Variants in CELF5 observed in about 807,000 individuals in gnomAD.
CELF5 encodes CUGBP Elav-like family member 5.
A neutral mutation model predicts 54.9 loss-of-function variants in CELF5; 6 were observed. The ratio of observed to expected loss-of-function variants is 0.11; its 90% confidence interval spans 0.06 to 0.22. The LOEUF (loss-of-function observed/expected upper bound fraction) is 0.22. CELF5 is among the 10% of genes least tolerant of loss of function. The pLI, the probability that CELF5 is intolerant of heterozygous loss-of-function variation, is 1.00. For synonymous variants in CELF5, 271 were observed against 290.9 expected, an observed-to-expected ratio of 0.93 and a Z score of 0.70; for missense variants, 401 against 678.6, an observed-to-expected ratio of 0.59 and a Z score of 4.54.
At position 3,278,183 on chromosome 19, in the gene CELF5, C is replaced by T. The variant is rs1460810599; in HGVS notation, c.603+73C>T. On this transcript the variant is annotated intron_variant, in intron 5 of 12. Transcript: ENST00000292672. The surrounding 1 kb of genome is among the most constrained non-coding windows in gnomAD (Gnocchi z 4.5). The stretch of plus-strand genomic sequence containing the variant: ...TGAGGGGGACAGGGATGAAACAGGC[C>T]ATATTCCTACCGTCGCTGTCATCCG... 9.6e-6 allele frequency: 10 copies of T among 1,039,720 alleles called. No individual in the cohort carries two copies. The highest frequency in any genetic ancestry group is 1.4e-5 in the Non-Finnish European group (10 of 699,042). 64.4% of individuals were successfully genotyped at this position (1,039,720 alleles called of 1,614,324 possible). A position where few individuals can be genotyped will look rare whatever the true frequency, so the allele number is the denominator to read the frequency against.
intron 1 of CELF5, among the ~76,000 whole-genome samples, chr19:3,248,857 C>CCTTCCTTT (rs2079604339): frequency 1.7e-5 from 1 of 59,112 alleles, no homozygotes; most frequent in African/African-American, 5.0e-5. Flanking sequence ...TTTCTTTCTT[C>CCTTCCTTT]CTTCCTTCCT....
At chr19:3,238,498 AGGGCC>A (rs2079448098) in intron 1 of CELF5, among the ~76,000 whole-genome samples, 1 of 152,124 alleles carries the variant, frequency 6.6e-6, no homozygotes, top group South Asian at 2.1e-4. Flanking sequence ...AGGTGTGGGT[AGGGCC>A]TCACTTTCTC....
intron 1 of CELF5, among the ~76,000 whole-genome samples, chr19:3,246,594 TC>T (rs1345584802): frequency 6.6e-6 from 1 of 151,728 alleles, no homozygotes; most frequent in African/African-American, 2.4e-5. Flanking sequence ...GCAACTGTGG[TC>T]CCAGCTACTT....
chr19:3,265,395 G>A (rs1012238215), intron 2 of CELF5, among the ~76,000 whole-genome samples: 6 of 152,208 alleles, frequency 3.9e-5, no homozygotes, highest in Non-Finnish European at 8.8e-5. Context: ...CAACAGCAGT[G>A]TAAACGGCAG....
At chr19:3,230,006 G>C (rs923522806) in intron 1 of CELF5, among the ~76,000 whole-genome samples, 11 of 152,176 alleles carry the variant, frequency 7.2e-5, no homozygotes, top group African/African-American at 2.7e-4. Context: ...AAGTGGGCTT[G>C]TGTCTCTCTC....
intron 2 of CELF5, among the ~76,000 whole-genome samples, chr19:3,253,481 C>G (rs527401458): frequency 1.8e-4 from 28 of 152,316 alleles, no homozygotes; most frequent in African/African-American, 6.3e-4. Flanking sequence ...GCTGCTTGAG[C>G]TTCCTTACAA....
intron 2 of CELF5, among the ~76,000 whole-genome samples, chr19:3,256,573 ATT>A (rs1307983785): frequency 1.4e-5 from 2 of 144,158 alleles, no homozygotes; most frequent in Non-Finnish European, 1.5e-5. Context: ...TATTATTATT[ATT>A]AATTTTTTTT....
At chr19:3,258,384 A>T (rs746819227) in intron 2 of CELF5, among the ~76,000 whole-genome samples, 13 of 151,028 alleles carry the variant, frequency 8.6e-5, no homozygotes, top group Non-Finnish European at 5.9e-5. Flanking sequence ...GGCCTCCCAA[A>T]GTGCTGGGAT....
At chr19:3,276,974 TTCTG>T (rs1228443342) in intron 4 of CELF5, among the ~76,000 whole-genome samples, 2 of 152,168 alleles carry the variant, frequency 1.3e-5, no homozygotes, top group East Asian at 1.9e-4. Context: ...TTCCTCCTGG[TTCTG>T]TCTATGTGAT....
At chr19:3,245,403 TGTGTGTGTG>T in intron 1 of CELF5, among the ~76,000 whole-genome samples, 1 of 150,562 alleles carries the variant, frequency 6.6e-6, no homozygotes, top group East Asian at 2.0e-4. Context: ...TGTGTGTGCG[TGTGTGTGTG>T]GTGTGTGGTG....
At chr19:3,243,644 C>T (rs1020275545) in intron 1 of CELF5, among the ~76,000 whole-genome samples, 3 of 152,038 alleles carry the variant, frequency 2.0e-5, no homozygotes, top group African/African-American at 7.2e-5. Flanking sequence ...AGTTTGCAGG[C>T]GCTGCCGTAA....
chr19:3,240,621 C>T (rs1443593948), intron 1 of CELF5, among the ~76,000 whole-genome samples: 1 of 152,044 alleles, frequency 6.6e-6, no homozygotes, highest in Non-Finnish European at 1.5e-5. Flanking sequence ...AGCCACTGCG[C>T]CCGGCCCTAC....
intron 10 of CELF5, among the ~76,000 whole-genome samples, chr19:3,288,780 A>T (rs2145305109): frequency 6.6e-6 from 1 of 152,214 alleles, no homozygotes; most frequent in South Asian, 2.1e-4. Flanking sequence ...TCTAGGAGTT[A>T]GAGGCTGCAG....
intron 5 of CELF5, among the ~76,000 whole-genome samples, chr19:3,279,549 C>G (rs562831466): frequency 6.6e-6 from 1 of 152,114 alleles, no homozygotes; most frequent in East Asian, 1.9e-4. Flanking sequence ...GGCATGTCAG[C>G]GAAGACAGGG....
chr19:3,260,435 C>T (rs2079792067), intron 2 of CELF5, among the ~76,000 whole-genome samples: 1 of 151,766 alleles, frequency 6.6e-6, no homozygotes, highest in African/African-American at 2.4e-5. Flanking sequence ...CGAAGACTGG[C>T]TAAATATATG....
intron 1 of CELF5, among the ~76,000 whole-genome samples, chr19:3,233,108 A>C (rs1917347499): frequency 1.3e-5 from 2 of 151,266 alleles, no homozygotes; most frequent in African/African-American, 4.9e-5. Flanking sequence ...AAAATAAATA[A>C]ATAAATAAAT....
chr19:3,257,480 TA>T (rs1599426745), intron 2 of CELF5, among the ~76,000 whole-genome samples: 1 of 151,660 alleles, frequency 6.6e-6, no homozygotes, highest in African/African-American at 2.4e-5. Context: ...TATTTATTAT[TA>T]TTATTTTTTT....
At chr19:3,273,591 A>C (rs2080000473) in intron 2 of CELF5, among the ~76,000 whole-genome samples, 1 of 152,150 alleles carries the variant, frequency 6.6e-6, no homozygotes, top group Non-Finnish European at 1.5e-5. Flanking sequence ...ACATCGCATA[A>C]AGGGACTGGA....
In CELF5 at chr19:3,281,418, C is replaced by T. The variant is rs940044361; in HGVS notation, c.750+73C>T. On this transcript the variant is annotated intron_variant, in intron 6 of 12. Transcript: ENST00000292672. The surrounding 1 kb of genome is among the most constrained non-coding windows in gnomAD (Gnocchi z 6.5). ...GTCTCTGTCTACTCTCTGTCGGGCT[C>T]CTGCCTCTCCCTCCATCTCCCTGAC... 1 of 1,496,260 alleles carries T rather than the reference C, an allele frequency of 6.7e-7. No individual in the cohort carries two copies. Among genetic ancestry groups the T allele is most frequent in the South Asian group, 1.2e-5 (1 of 82,222 alleles). The allele number at this position is 1,496,260 out of a possible 1,614,324, so 92.7% of individuals were successfully genotyped here.
Sources: gnomAD v4.1 joint callset for allele counts (sites outside exome capture counted in the v4.1 genomes callset) on GRCh38, gnomAD v4.1.1 for gene constraint, Gnocchi (gnomAD v3.1) non-coding constraint, MANE v1.5 for transcripts, NCBI Gene and HGNC (gene_info 2026-07-23, HGNC 2026-07-21) for gene names.